FER: variants seen among roughly 807,000 people sequenced by gnomAD.
The protein encoded by FER is tyrosine-protein kinase Fer.
Under a neutral mutation model 111.0 loss-of-function variants are expected in FER, and 63 were observed. That is an observed-to-expected ratio of 0.57 (90% CI 0.46 to 0.70). FER has a LOEUF of 0.70. Among genes scored for constraint, FER ranks in the 30% least tolerant of loss-of-function variants. FER has a pLI of 0.00. For missense variants in FER, 914 were observed against 954.0 expected (o/e 0.96, Z 0.55); for synonymous variants, 327 against 313.9 (o/e 1.04, Z -0.44).
At chr5:108,832,144 G>T (rs1296010033) in intron 3 of FER, among the ~76,000 whole-genome samples, 1 of 152,012 alleles carries the variant, frequency 6.6e-6, no homozygotes, top group Non-Finnish European at 1.5e-5. Flanking sequence ...GAGATGTAAA[G>T]GTATTTGTTA....
At chr5:109,173,168 C>T (rs1054441310) in intron 17 of FER, among the ~76,000 whole-genome samples, 4 of 152,186 alleles carry the variant, frequency 2.6e-5, no homozygotes, top group African/African-American at 9.7e-5. Flanking sequence ...GATAAAAGAT[C>T]CAAAAGCAGC....
At chr5:108,986,635 T>C (rs963463966) in intron 13 of FER, among the ~76,000 whole-genome samples, 3 of 152,194 alleles carry the variant, frequency 2.0e-5, no homozygotes, top group African/African-American at 7.2e-5. Flanking sequence ...AGGTGAGAAA[T>C]GAGGATCCAA....
chr5:108,830,189 C>T (rs1393758672), intron 3 of FER, among the ~76,000 whole-genome samples: 2 of 152,154 alleles, frequency 1.3e-5, no homozygotes, highest in Admixed American at 6.5e-5. Context: ...TGTGGTGGCT[C>T]ATGCCTGCAA....
chr5:109,146,273 T>C (rs1582246357), intron 17 of FER, among the ~76,000 whole-genome samples: 1 of 62,240 alleles, frequency 1.6e-5, no homozygotes, highest in Admixed American at 1.3e-4. Flanking sequence ...TATATATATA[T>C]ATATATATAT....
At position 109,187,604 on chromosome 5, in the gene FER, A is replaced by G. The variant is rs1266725471; in HGVS notation, c.*29A>G. 3.7e-6 allele frequency: 6 copies of G among 1,613,204 alleles called. No individual in the cohort carries two copies. The South Asian group carries it at 5.5e-5, about 15-fold the overall frequency. On this transcript the variant is annotated 3_prime_UTR_variant, in exon 20 of 20. Coordinates refer to ENST00000281092, the MANE Select transcript of FER (RefSeq NM_005246.4). ...CAGGATGGCGCCAAACTCAGCCTTC[A>G]GGACTCTGTCCTCCAGCAGAGTAAC... is the stretch of plus-strand genomic sequence containing the variant.
chr5:109,080,304 G>A (rs1776842307), intron 16 of FER, among the ~76,000 whole-genome samples: 1 of 152,090 alleles, frequency 6.6e-6, no homozygotes, highest in African/African-American at 2.4e-5. Flanking sequence ...GTTGTGCAAA[G>A]TGGCTTACTA....
chr5:108,895,028 A>C (rs759942761), intron 9 of FER, among the ~76,000 whole-genome samples: 1 of 152,124 alleles, frequency 6.6e-6, no homozygotes, highest in Non-Finnish European at 1.5e-5. Context: ...GTAGTTAGAG[A>C]ATCAGTTATT....
intron 16 of FER, among the ~76,000 whole-genome samples, chr5:109,054,613 A>AT (rs1223223016): frequency 2.0e-5 from 3 of 151,980 alleles, no homozygotes; most frequent in Non-Finnish European, 2.9e-5. Context: ...TAATTAATCA[A>AT]TTTTTTTCTT....
At chr5:108,809,232 C>T (rs1348243370) in intron 3 of FER, among the ~76,000 whole-genome samples, 2 of 152,144 alleles carry the variant, frequency 1.3e-5, no homozygotes, top group Non-Finnish European at 2.9e-5. Flanking sequence ...AATGACGTAA[C>T]TTGTAGGTTT....
chr5:109,078,371 G>A (rs1483766469), intron 16 of FER, among the ~76,000 whole-genome samples: 1 of 152,122 alleles, frequency 6.6e-6, no homozygotes, highest in Non-Finnish European at 1.5e-5. Context: ...ATTAAAATCT[G>A]CGTGGCTAAT....
Position 108,993,634 on chromosome 5 carries a change from TGAGGGC to T in FER, c.1656+34311_1656+34316del, listed in dbSNP as rs772264858. Among the ~76,000 whole-genome samples the T allele has an allele frequency of 1.5e-3, 157 of 105,322 alleles. 1 individual carries two copies. Among genetic ancestry groups the T allele is most frequent in the South Asian group, 6.1e-3 (21 of 3,448 alleles). The allele number at this position is 105,322 out of a possible 152,430, so 69.1% of individuals were successfully genotyped here. A position where few individuals can be genotyped will look rare whatever the true frequency, so the allele number is the denominator to read the frequency against. On this transcript the variant is annotated intron_variant, in intron 13 of 19. Coordinates refer to ENST00000281092, the MANE Select transcript of FER (RefSeq NM_005246.4). ...GAGAGGGCAAGGGCGAGGGCGAGGG[TGAGGGC>T]GAGGGCGAGGGCGAGGGCGAGGGTG...
intron 13 of FER, among the ~76,000 whole-genome samples, chr5:108,988,926 G>A (rs912667974): frequency 5.9e-5 from 9 of 152,038 alleles, no homozygotes; most frequent in African/African-American, 1.7e-4. Context: ...GACATTTAAG[G>A]AACTTTCCTC....
intron 13 of FER, among the ~76,000 whole-genome samples, chr5:109,012,417 T>A (rs1329683737): frequency 1.3e-5 from 2 of 152,238 alleles, no homozygotes; most frequent in African/African-American, 4.8e-5. Flanking sequence ...ATTAAAGTTT[T>A]ATGTACGTAT....
intron 16 of FER, among the ~76,000 whole-genome samples, chr5:109,065,819 C>A (rs907255341): frequency 6.6e-6 from 1 of 152,100 alleles, no homozygotes; most frequent in Non-Finnish European, 1.5e-5. Flanking sequence ...ACTAGATTGT[C>A]ATTAGTACCT....
At chr5:108,911,610 G>A (rs56373044) in intron 10 of FER, among the ~76,000 whole-genome samples, 48,612 of 152,024 alleles carry the variant, frequency 0.32, 8,346 homozygotes, top group African/African-American at 0.43. Flanking sequence ...TTACGTTTGA[G>A]TCTTTAATCC....
intron 17 of FER, among the ~76,000 whole-genome samples, chr5:109,101,280 CTG>C (rs1056110923): frequency 5.9e-5 from 9 of 151,968 alleles, no homozygotes; most frequent in South Asian, 2.1e-4. Context: ...GCACCAGAAA[CTG>C]TGCATAATAC....
chr5:108,861,252 A>G (rs1763487374), intron 5 of FER, among the ~76,000 whole-genome samples: 2 of 152,302 alleles, frequency 1.3e-5, no homozygotes, highest in Middle Eastern at 3.4e-3. Context: ...GCAAATGGCA[A>G]ACACTTCAGA....
chr5:109,118,688 G>T (rs1750582812), intron 17 of FER, among the ~76,000 whole-genome samples: 1 of 152,118 alleles, frequency 6.6e-6, no homozygotes, highest in Admixed American at 6.5e-5. Context: ...TTCAGAGCCT[G>T]TTATTGGTCT....
At chr5:109,000,047 T>G (rs1179252874) in intron 13 of FER, among the ~76,000 whole-genome samples, 1 of 151,972 alleles carries the variant, frequency 6.6e-6, no homozygotes, top group Non-Finnish European at 1.5e-5. Flanking sequence ...TTCTTTCTCT[T>G]TATATTTTTC....
Sources: gnomAD v4.1 joint callset for allele counts (sites outside exome capture counted in the v4.1 genomes callset) on GRCh38, gnomAD v4.1.1 for gene constraint, MANE v1.5 for transcripts, NCBI Gene and HGNC (gene_info 2026-07-23, HGNC 2026-07-21) for gene names.